Variants in WNT9B observed in about 807,000 individuals in gnomAD.
The protein encoded by WNT9B is protein Wnt-9b.
In WNT9B, 12 loss-of-function variants were observed where a neutral mutation model predicts 30.2. The ratio of observed to expected loss-of-function variants is 0.40; its 90% CI spans 0.26 to 0.64. The LOEUF is 0.64. WNT9B is among the 30% of genes least tolerant of loss of function. WNT9B has a pLI of 0.42. For synonymous variants in WNT9B, 218 were observed against 216.9 expected (o/e 1.01, Z -0.05); for missense variants, 442 against 485.2 (o/e 0.91, Z 0.84).
intron 1 of WNT9B, among the ~76,000 whole-genome samples, chr17:46,854,358 T>G (rs1329955914): frequency 6.6e-6 from 1 of 152,218 alleles, no homozygotes; most frequent in Non-Finnish European, 1.5e-5. Context: ...TAACACAAAG[T>G]GCTTTGGCAT....
intron 1 of WNT9B, among the ~76,000 whole-genome samples, chr17:46,858,520 G>T (rs7207797): frequency 0.019 from 2,871 of 150,486 alleles, 84 homozygotes; most frequent in African/African-American, 0.067. Flanking sequence ...GATATCTTTC[G>T]GTCCTCCAGG....
At chr17:46,864,621 A>C (rs1286366910) in intron 1 of WNT9B, among the ~76,000 whole-genome samples, 1 of 152,138 alleles carries the variant, frequency 6.6e-6, no homozygotes, top group Non-Finnish European at 1.5e-5. Flanking sequence ...TCCTTCCCTC[A>C]AAACCTAGCT....
Position 46,872,609 on chromosome 17 carries a change from T to G in WNT9B, c.170T>G (p.Leu57Arg). Residue 57 changes from leucine to arginine, a missense_variant, in exon 2 of 4, where the codon CTG becomes CGG. Transcript: ENST00000290015. ...GGGGCCCACCTGAAGCAGTGTGACCTGCTGAAGCTGTCCCGGCGGCAGAAG... is the reference window on the plus strand; with the variant it reads ...GGGGCCCACCTGAAGCAGTGTGACCGGCTGAAGCTGTCCCGGCGGCAGAAG... ...QGGAHLKQCD[L>R]LKLSRRQKQL... The G allele has an allele frequency of 5.6e-6, 9 of 1,612,934 alleles. No homozygotes were observed. The highest frequency in any genetic ancestry group is 7.6e-6 in the Non-Finnish European group (9 of 1,179,588).
intron 1 of WNT9B, among the ~76,000 whole-genome samples, chr17:46,842,663 G>A (rs897147369): frequency 5.3e-5 from 8 of 152,146 alleles, no homozygotes; most frequent in African/African-American, 1.9e-4. Flanking sequence ...ATGAGCCACC[G>A]TACCCTGCTT....
rs781063224 is a variant in WNT9B at position 46,876,287 on chromosome 17, G to C, written c.643G>C (p.Val215Leu). 1 of 1,613,926 alleles carries C rather than the reference G, an allele frequency of 6.2e-7. No individual in the cohort carries two copies. Among genetic ancestry groups the C allele is most frequent in the Non-Finnish European group, 8.5e-7 (1 of 1,179,892 alleles). Residue 215 changes from valine (V) to leucine (L), a missense_variant, in exon 4 of 4, where the codon GTA becomes CTA. Val to Leu is a conservative substitution (Grantham distance 32, BLOSUM62 1). Coordinates refer to ENST00000290015, the MANE Select transcript of WNT9B (RefSeq NM_003396.3). ...CAGGACCACGTGTAAGTGCCATGGCGTATCAGGCTCCTGTGCCGTGCGCAC... is the reference window on the plus strand; with the variant it reads ...CAGGACCACGTGTAAGTGCCATGGCCTATCAGGCTCCTGTGCCGTGCGCAC... ...GLRTTCKCHG[V>L]SGSCAVRTCW...
chr17:46,862,287 G>A (rs928828458), intron 1 of WNT9B, among the ~76,000 whole-genome samples: 9 of 152,130 alleles, frequency 5.9e-5, no homozygotes, highest in Admixed American at 2.0e-4. Flanking sequence ...GAAAGGTAAC[G>A]TATCGTATAT....
intron 1 of WNT9B, among the ~76,000 whole-genome samples, chr17:46,870,530 C>T (rs1054375617): frequency 2.0e-5 from 3 of 152,230 alleles, no homozygotes; most frequent in Non-Finnish European, 4.4e-5. Flanking sequence ...GCTAGGCCAA[C>T]GGGAGCCCGA....
At chr17:46,866,942 G>C (rs1325816982) in intron 1 of WNT9B, among the ~76,000 whole-genome samples, 1 of 152,190 alleles carries the variant, frequency 6.6e-6, no homozygotes, top group Non-Finnish European at 1.5e-5. Flanking sequence ...AAACAGCCTG[G>C]AGTGCTCCCT....
intron 1 of WNT9B, among the ~76,000 whole-genome samples, chr17:46,857,383 G>A (rs999891543): frequency 1.3e-5 from 2 of 150,542 alleles, no homozygotes; most frequent in East Asian, 3.9e-4. Context: ...GCTGAGGCAG[G>A]AGAATCACTT....
intron 1 of WNT9B, among the ~76,000 whole-genome samples, chr17:46,839,685 C>A (rs373056015): frequency 1.6e-4 from 24 of 152,076 alleles, no homozygotes; most frequent in Non-Finnish European, 2.6e-4. Flanking sequence ...CTCCCCCAGT[C>A]CCCCCCGCCA....
chr17:46,853,044 G>A (rs184127343), intron 1 of WNT9B, among the ~76,000 whole-genome samples: 93 of 152,270 alleles, frequency 6.1e-4, no homozygotes, highest in African/African-American at 2.2e-3. Context: ...GGTTGAACTT[G>A]ATATGACTGA....
upstream of WNT9B, among the ~76,000 whole-genome samples, chr17:46,849,048 G>C (rs901536238): frequency 2.6e-5 from 4 of 152,198 alleles, no homozygotes; most frequent in African/African-American, 9.6e-5. Flanking sequence ...CAAAAAGACA[G>C]AAGCAGAACT....
Position 46,877,207 on chromosome 17 carries a change from G to A in WNT9B, c.*489G>A. On this transcript the variant is annotated 3_prime_UTR_variant, in exon 4 of 4. Coordinates refer to ENST00000290015, the MANE Select transcript of WNT9B (RefSeq NM_003396.3). ...CAATCGGGTCCTGTGGCCCTGCTCA[G>A]GTGCAGTGGGCTCCAGGTGTCACAC... is the stretch of plus-strand genomic sequence containing the variant. 1 of 427,236 alleles carries A rather than the reference G, an allele frequency of 2.3e-6. No individual in the cohort carries two copies. Among genetic ancestry groups the A allele is most frequent in the Non-Finnish European group, 3.1e-6 (1 of 319,900 alleles). The allele number at this position is 427,236 out of a possible 1,614,324, so 26.5% of individuals were successfully genotyped here.
At chr17:46,851,153 A>C (rs2084836830), upstream of WNT9B, among the ~76,000 whole-genome samples, 1 of 152,010 alleles carries the variant, frequency 6.6e-6, no homozygotes, top group Non-Finnish European at 1.5e-5. This position sits in a 1 kb window ranked among gnomAD's most constrained non-coding sequence, Gnocchi z 4.3. Flanking sequence ...AGGAGGGCGG[A>C]CAATGACCCG....
intron 1 of WNT9B, among the ~76,000 whole-genome samples, chr17:46,867,699 G>T (rs986831008): frequency 6.6e-6 from 1 of 151,640 alleles, no homozygotes; most frequent in Non-Finnish European, 1.5e-5. Flanking sequence ...ATTGTGGGTG[G>T]GGTGTGTGTT....
At chr17:46,871,168 A>G (rs1430041391) in intron 1 of WNT9B, among the ~76,000 whole-genome samples, 4 of 152,036 alleles carry the variant, frequency 2.6e-5, no homozygotes, top group Non-Finnish European at 5.9e-5. Flanking sequence ...TCAGCCTCCC[A>G]AAGTGTGGAA....
At chr17:46,884,641 C>T (rs2085467521), downstream of WNT9B, among the ~76,000 whole-genome samples, 1 of 152,192 alleles carries the variant, frequency 6.6e-6, no homozygotes, top group Admixed American at 6.5e-5. Flanking sequence ...CTGCAGAGTG[C>T]CTCTCGTGTG....
At chr17:46,869,263 C>G (rs1192742816) in intron 1 of WNT9B, among the ~76,000 whole-genome samples, 1 of 152,194 alleles carries the variant, frequency 6.6e-6, no homozygotes, top group Non-Finnish European at 1.5e-5. Context: ...ATCTCAGGGT[C>G]CATTAGATGA....
chr17:46,842,132 T>C (rs1278113859), intron 1 of WNT9B, among the ~76,000 whole-genome samples: 2 of 152,160 alleles, frequency 1.3e-5, no homozygotes, highest in Non-Finnish European at 2.9e-5. Flanking sequence ...CACTCTATGC[T>C]CTGGGATTAA....
Sources: allele counts gnomAD v4.1 joint callset (sites outside exome capture counted in the v4.1 genomes callset), GRCh38; gene constraint gnomAD v4.1.1; non-coding constraint Gnocchi (gnomAD v3.1); transcripts MANE v1.5; gene names NCBI Gene and HGNC (gene_info 2026-07-23, HGNC 2026-07-21).